Variants in ARHGAP27 observed in about 807,000 individuals in gnomAD.
ARHGAP27 encodes the protein Rho GTPase activating protein 27.
Under a neutral mutation model 102.0 loss-of-function variants are expected in ARHGAP27, and 53 were observed. The ratio of observed to expected loss-of-function variants is 0.52; its 90% CI spans 0.42 to 0.65. The LOEUF is 0.65. Among genes scored for constraint, ARHGAP27 ranks in the 30% least tolerant of loss-of-function variants. The probability of loss-of-function intolerance (pLI) is 0.00; values close to 1 mark genes in which losing one functional copy is unlikely to be tolerated. For missense variants in ARHGAP27, 1,117 were observed against 1,256.2 expected, an observed-to-expected ratio of 0.89 and a Z score of 1.68; for synonymous variants, 525 against 542.8, an observed-to-expected ratio of 0.97 and a Z score of 0.46.
intron 9 of ARHGAP27, 79 bp downstream of exon 9, chr17:45,404,190 C>G (rs1475526495): frequency 1.9e-6 from 3 of 1,609,860 alleles, no homozygotes; most frequent in Admixed American, 1.7e-5. Context: ...CTGCCACTCT[C>G]TATGGTCTGG....
chr17:45,424,433 G>C (rs187867539), intron 4 of ARHGAP27, among the ~76,000 whole-genome samples: 100 of 152,244 alleles, frequency 6.6e-4, no homozygotes, highest in African/African-American at 2.3e-3. Flanking sequence ...ATGGAGACTC[G>C]ACCACATCCC....
In ARHGAP27 at chr17:45,405,595, G is replaced by T. The variant is rs1307419253; in HGVS notation, c.1065+81C>A. 2.7e-6 allele frequency: 4 copies of T among 1,479,332 alleles called. No individual in the cohort carries two copies. The Admixed American group carries it at 9.1e-5, about 34-fold the overall frequency. The allele number at this position is 1,479,332 out of a possible 1,614,324, so 91.6% of individuals were successfully genotyped here. A position where few individuals can be genotyped will look rare whatever the true frequency, so the allele number is the denominator to read the frequency against. On this transcript the variant is annotated intron_variant, in intron 5 of 19. Transcript: ENST00000685559. ...CACCCATCACCACCCCCTCACCCGT[G>T]TGTCCCTGGGCCTCTGGGAGCAGGA...
At position 45,404,905 on chromosome 17, in the gene ARHGAP27, A is replaced by G. The variant is rs201155871; in HGVS notation, c.1248+19T>C. The G allele has an allele frequency of 1.9e-6, 3 of 1,614,108 alleles. No individual in the cohort carries two copies. The highest frequency in any genetic ancestry group is 2.5e-6 in the Non-Finnish European group (3 of 1,180,006). On this transcript the variant is annotated intron_variant, in intron 6 of 19. Coordinates refer to ENST00000685559, the MANE Select transcript of ARHGAP27 (RefSeq NM_001282290.2). Reference sequence around the variant, plus strand: ...GAGGACTCTGAGGCTGTCCGGGTCCATCTGCCCCCTGCCCCTACCTGCTCC... The same window carrying G: ...GAGGACTCTGAGGCTGTCCGGGTCCGTCTGCCCCCTGCCCCTACCTGCTCC...
At chr17:45,428,418 C>A (rs1208613976) in intron 4 of ARHGAP27, among the ~76,000 whole-genome samples, 1 of 152,244 alleles carries the variant, frequency 6.6e-6, no homozygotes, top group African/African-American at 2.4e-5. Flanking sequence ...GGACGCTGGG[C>A]CTGGGGGAAC....
chr17:45,423,146 A>C (rs1055024432), intron 4 of ARHGAP27, among the ~76,000 whole-genome samples: 5 of 152,140 alleles, frequency 3.3e-5, no homozygotes, highest in African/African-American at 4.8e-5. Flanking sequence ...ACGCCACTGC[A>C]CTCCAGCCTG....
At chr17:45,416,146 C>T (rs570599955) in intron 4 of ARHGAP27, among the ~76,000 whole-genome samples, 6 of 151,578 alleles carry the variant, frequency 4.0e-5, no homozygotes, top group Admixed American at 2.0e-4. Flanking sequence ...CCCGGGTTCA[C>T]GCCATTCTCC....
In ARHGAP27 at chr17:45,404,632, T is replaced by A. The variant is rs1392956974; in HGVS notation, c.1298A>T (p.Glu433Val). 3 of 1,613,552 alleles carry A rather than the reference T, an allele frequency of 1.9e-6. No homozygotes were observed. The highest frequency in any genetic ancestry group is 8.5e-7 in the Non-Finnish European group (1 of 1,179,870). ...CAGCTCCCATCGAACAGAGGAGTCC[T>A]CTGGATTGTAGAAGTATGGCTTCCC... Reference protein sequence around the residue: ...PHGKPYFYNPEDSSVRWELPQ... With the variant: ...PHGKPYFYNPVDSSVRWELPQ... Residue 433 changes from glutamate (E) to valine (V), a missense_variant, in exon 7 of 20, where the codon GAG becomes GTG. Glu to Val is a moderately radical substitution (Grantham distance 121). Coordinates refer to ENST00000685559, the MANE Select transcript of ARHGAP27 (RefSeq NM_001282290.2).
chr17:45,429,557 C>A, intron 4 of ARHGAP27, 66 bp downstream of exon 4: 1 of 1,563,536 alleles, frequency 6.4e-7, no homozygotes, highest in Non-Finnish European at 8.6e-7. Flanking sequence ...CCTTGCGCCC[C>A]GGCTCCGTGC....
intron 11 of ARHGAP27, among the ~76,000 whole-genome samples, chr17:45,403,127 T>C (rs546995883): frequency 6.6e-6 from 1 of 152,334 alleles, no homozygotes; most frequent in East Asian, 1.9e-4. Context: ...CCCTCAAGAC[T>C]GTTCCCCATC....
At chr17:45,419,510 ATG>A (rs1232870465) in intron 4 of ARHGAP27, among the ~76,000 whole-genome samples, 6 of 76,714 alleles carry the variant, frequency 7.8e-5, no homozygotes, top group African/African-American at 2.1e-4. Flanking sequence ...CTTATGCTGT[ATG>A]TATATATATA....
chr17:45,404,717 G>C, intron 6 of ARHGAP27, 36 bp from the exon 7 acceptor site: 4 of 1,589,426 alleles, frequency 2.5e-6, no homozygotes, highest in Non-Finnish European at 3.4e-6. Flanking sequence ...CTCCAGCCCA[G>C]CTTATGAGAG....
rs36233058 is a variant in ARHGAP27, at chr17:45,412,962, CT to C, written c.658-6880del. Among the ~76,000 whole-genome samples, 260 of 41,090 alleles carry C rather than the reference CT, an allele frequency of 6.3e-3. 1 individual carries two copies. Among genetic ancestry groups the C allele is most frequent in the Admixed American group, 9.1e-3 (26 of 2,868 alleles). 27.0% of individuals were successfully genotyped at this position (41,090 alleles called of 152,430 possible). A position where few individuals can be genotyped will look rare whatever the true frequency, so the allele number is the denominator to read the frequency against. On this transcript the variant is annotated intron_variant, in intron 4 of 19. Transcript: ENST00000685559. ...GTGTGGCACCACGGCTCAGTATAAT[CT>C]TTTTTTTTTTTTTTTTTTTTTTTTT...
chr17:45,421,040 A>G (rs2048988294), intron 4 of ARHGAP27, among the ~76,000 whole-genome samples: 1 of 147,038 alleles, frequency 6.8e-6, no homozygotes, highest in Non-Finnish European at 1.5e-5. Context: ...TGAGATTCAA[A>G]TTTGCAGCCT....
At chr17:45,417,968 G>A (rs551083947) in intron 4 of ARHGAP27, among the ~76,000 whole-genome samples, 6,489 of 150,854 alleles carry the variant, frequency 0.043, 212 homozygotes, top group Non-Finnish European at 0.07. Context: ...GCAGGAGAAT[G>A]GCGTGAACTC....
chr17:45,402,808 G>C lies in ARHGAP27; in HGVS notation c.1649C>G (p.Ser550Cys). ...TGTGTACTCAGGGGTGGAAAACTTG[G>C]AAGGCTGCCTCTGTGGGAGAGGGAG... ...TSAAGGLRQP[S>C]KFSTPEYTVE... Residue 550 changes from serine to cysteine, a missense_variant, in exon 12 of 20, where the codon TCC becomes TGC. Coordinates refer to ENST00000685559, the MANE Select transcript of ARHGAP27 (RefSeq NM_001282290.2). 1.2e-6 allele frequency: 2 copies of C among 1,613,262 alleles called. No individual in the cohort carries two copies. The highest frequency in any genetic ancestry group is 2.2e-5 in the South Asian group (2 of 91,026).
rs186114165 is a variant in ARHGAP27, at chr17:45,419,746, T to C, written c.657+9877A>G. Among the ~76,000 whole-genome samples, 226 of 150,234 alleles carry C rather than the reference T, an allele frequency of 1.5e-3. 1 individual carries two copies. The highest frequency in any genetic ancestry group is 5.4e-3 in the African/African-American group (220 of 40,698). Reference sequence around the variant, plus strand: ...AGACAAAGGATTATTTTCCCTAGTATAGAAAAAGCTACTAGAACTCAATAA... The same window carrying C: ...AGACAAAGGATTATTTTCCCTAGTACAGAAAAAGCTACTAGAACTCAATAA... On this transcript the variant is annotated intron_variant, in intron 4 of 19. Transcript: ENST00000685559.
At chr17:45,429,601 GC>G in intron 4 of ARHGAP27, 21 bp downstream of exon 4, 1 of 1,573,980 alleles carries the variant, frequency 6.4e-7, no homozygotes, top group Non-Finnish European at 8.6e-7. Flanking sequence ...CCGCCTCCGC[GC>G]CCCAGCGCCC....
chr17:45,396,822 A>G (rs2045783805), intron 14 of ARHGAP27, 32 bp from the exon 15 acceptor site: 2 of 1,607,492 alleles, frequency 1.2e-6, no homozygotes, highest in Non-Finnish European at 8.5e-7. Flanking sequence ...CTGAGTCAGG[A>G]GGCAGCGCCA....
intron 12 of ARHGAP27, among the ~76,000 whole-genome samples, chr17:45,400,741 C>T (rs946904608): frequency 6.6e-6 from 1 of 151,826 alleles, no homozygotes; most frequent in African/African-American, 2.4e-5. Context: ...ATGGTAAAAC[C>T]CTGTCTTTAC....
Sources: allele counts gnomAD v4.1 joint callset (sites outside exome capture counted in the v4.1 genomes callset), GRCh38; gene constraint gnomAD v4.1.1; transcripts MANE v1.5; gene names NCBI Gene and HGNC (gene_info 2026-07-23, HGNC 2026-07-21).